Variants in VMP1 observed in about 807,000 individuals in gnomAD.
VMP1 encodes ectopic P-granules autophagy protein 3 homolog.
In VMP1, 11 loss-of-function variants were observed where a neutral mutation model predicts 56.0. The observed-to-expected ratio is 0.20, with a 90% CI of 0.12 to 0.32. VMP1 has a LOEUF of 0.32. Ranked by LOEUF, VMP1 falls within the 10% of genes least tolerant of loss-of-function variation. The pLI is 1.00. For missense variants in VMP1, 296 were observed against 490.3 expected (o/e 0.60, Z 3.74); for synonymous variants, 149 against 165.0 (o/e 0.90, Z 0.74).
intron 10 of VMP1, among the ~76,000 whole-genome samples, chr17:59,837,414 G>A (rs1229298868): frequency 2.6e-5 from 4 of 152,118 alleles, no homozygotes; most frequent in Admixed American, 6.6e-5. Flanking sequence ...CCAAGCTACC[G>A]TTTTTAAAAA....
At chr17:59,718,443 G>T (rs1027900820) in intron 1 of VMP1, among the ~76,000 whole-genome samples, 1 of 151,590 alleles carries the variant, frequency 6.6e-6, no homozygotes, top group African/African-American at 2.4e-5. Flanking sequence ...TGATCTGCCC[G>T]CCTCGGCCTC....
chr17:59,792,479 C>G (rs2037265756), intron 7 of VMP1, among the ~76,000 whole-genome samples: 1 of 151,920 alleles, frequency 6.6e-6, no homozygotes, highest in African/African-American at 2.4e-5. Context: ...TGACTTTTTT[C>G]TTTTTTTCTT....
At chr17:59,741,204 A>G (rs2035213828) in intron 5 of VMP1, among the ~76,000 whole-genome samples, 1 of 152,120 alleles carries the variant, frequency 6.6e-6, no homozygotes, top group Non-Finnish European at 1.5e-5. Context: ...CAAAAAAAAA[A>G]TTATTTTAAA....
At chr17:59,775,736 A>T (rs537217621) in intron 7 of VMP1, among the ~76,000 whole-genome samples, 4 of 152,354 alleles carry the variant, frequency 2.6e-5, no homozygotes, top group East Asian at 3.9e-4. Flanking sequence ...TGTCCTCAAG[A>T]TGAGCAAGGT....
intron 7 of VMP1, among the ~76,000 whole-genome samples, chr17:59,798,625 G>A (rs572794297): frequency 6.6e-6 from 1 of 152,310 alleles, no homozygotes; most frequent in South Asian, 2.1e-4. Flanking sequence ...GGTGGCTCAC[G>A]CCTGTAATCC....
At chr17:59,798,134 A>C (rs2037508898) in intron 7 of VMP1, among the ~76,000 whole-genome samples, 1 of 152,340 alleles carries the variant, frequency 6.6e-6, no homozygotes, top group African/African-American at 2.4e-5. Flanking sequence ...GTTATGCCTT[A>C]GTTTAAAAAA....
At chr17:59,788,816 A>AG (rs1555621998) in intron 7 of VMP1, among the ~76,000 whole-genome samples, 6 of 151,936 alleles carry the variant, frequency 3.9e-5, no homozygotes, top group African/African-American at 1.2e-4. Context: ...AAAAAAAAAA[A>AG]AAAGAAAGAA....
At position 59,777,788 on chromosome 17, in the gene VMP1, T is replaced by G. The variant is rs187783866; in HGVS notation, c.714+3903T>G. Among the ~76,000 whole-genome samples the G allele has an allele frequency of 5.4e-3, 823 of 151,998 alleles. 36 individuals are homozygous for G. Among genetic ancestry groups the G allele is most frequent in the Admixed American group, 0.05 (766 of 15,260 alleles). On this transcript the variant is annotated intron_variant, in intron 7 of 11. Coordinates refer to ENST00000262291, the MANE Select transcript of VMP1 (RefSeq NM_030938.5). ...AAGATCATGCCACTGCACTCCAGCC[T>G]GGGCGACACAGCAAGACTCCGTCTC... is the stretch of plus-strand genomic sequence containing the variant.
chr17:59,824,310 A>C (rs1270573472), intron 10 of VMP1, among the ~76,000 whole-genome samples: 1 of 151,584 alleles, frequency 6.6e-6, no homozygotes, highest in African/African-American at 2.4e-5. Flanking sequence ...GATGGCTCAC[A>C]TCTATAACCC....
chr17:59,753,898 G>T (rs1199606663), intron 5 of VMP1, among the ~76,000 whole-genome samples: 1 of 152,086 alleles, frequency 6.6e-6, no homozygotes, highest in Non-Finnish European at 1.5e-5. Flanking sequence ...GAAAAGTTGG[G>T]AACTATTCAG....
intron 7 of VMP1, 130 bp downstream of exon 7, chr17:59,774,015 T>C: frequency 2.1e-6 from 2 of 970,188 alleles, no homozygotes; most frequent in Non-Finnish European, 2.8e-6. Context: ...AAGAAAAATA[T>C]TGCTTGAGAT....
intron 5 of VMP1, among the ~76,000 whole-genome samples, chr17:59,753,134 C>G (rs2035715109): frequency 6.6e-6 from 1 of 151,882 alleles, no homozygotes; most frequent in Admixed American, 6.6e-5. Flanking sequence ...TTTAATTAGC[C>G]AGGTGTAGTG....
chr17:59,710,764 T>G (rs944902311), intron 1 of VMP1, among the ~76,000 whole-genome samples: 1 of 152,158 alleles, frequency 6.6e-6, no homozygotes, highest in Non-Finnish European at 1.5e-5. Context: ...CTGTGAATGT[T>G]GTTGCTAAAG....
At chr17:59,713,550 G>C (rs1303904240) in intron 1 of VMP1, among the ~76,000 whole-genome samples, 2 of 151,944 alleles carry the variant, frequency 1.3e-5, no homozygotes, top group African/African-American at 2.4e-5. Flanking sequence ...CCAAGGGCAG[G>C]TAAAAGAAAG....
chr17:59,794,965 TA>T (rs1373031720), intron 7 of VMP1, among the ~76,000 whole-genome samples: 2 of 150,670 alleles, frequency 1.3e-5, no homozygotes, highest in African/African-American at 4.9e-5. Flanking sequence ...TTTGGTAAAC[TA>T]ATCGTTGGCA....
At chr17:59,717,667 C>A (rs1349842380) in intron 1 of VMP1, among the ~76,000 whole-genome samples, 1 of 152,180 alleles carries the variant, frequency 6.6e-6, no homozygotes, top group South Asian at 2.1e-4. Flanking sequence ...TGCCTGTAAT[C>A]CCAGCACTTT....
chr17:59,839,590 T>G, intron 11 of VMP1, 178 bp from the exon 12 acceptor site: 1 of 691,352 alleles, frequency 1.4e-6, no homozygotes. Flanking sequence ...GAAATCTTGA[T>G]AGTTGGGTGT....
intron 5 of VMP1, among the ~76,000 whole-genome samples, chr17:59,762,367 A>T (rs2036088803): frequency 6.6e-6 from 1 of 152,236 alleles, no homozygotes; most frequent in East Asian, 1.9e-4. Flanking sequence ...ATGGTTAAAA[A>T]TGTGACTCAT....
At chr17:59,717,916 C>T (rs2034230237) in intron 1 of VMP1, among the ~76,000 whole-genome samples, 1 of 151,188 alleles carries the variant, frequency 6.6e-6, no homozygotes, top group South Asian at 2.1e-4. Flanking sequence ...CAGAGCAAGA[C>T]TTTGTTTTAA....
Sources: allele counts gnomAD v4.1 joint callset (sites outside exome capture counted in the v4.1 genomes callset), GRCh38; gene constraint gnomAD v4.1.1; transcripts MANE v1.5; gene names NCBI Gene and HGNC (gene_info 2026-07-23, HGNC 2026-07-21).